Variants in PPM1F observed in about 807,000 individuals in gnomAD.
The protein encoded by PPM1F is protein phosphatase, Mg2+/Mn2+ dependent 1F.
A neutral mutation model predicts 35.5 loss-of-function variants in PPM1F; 17 were observed. The observed-to-expected ratio is 0.48, with a 90% CI of 0.33 to 0.72. The LOEUF is 0.72. Among genes scored for constraint, PPM1F ranks in the 30% least tolerant of loss-of-function variants. The probability of loss-of-function intolerance (pLI) is 0.02; values close to 1 mark genes in which losing one functional copy is unlikely to be tolerated. For synonymous variants in PPM1F, 241 were observed against 255.5 expected, an observed-to-expected ratio of 0.94 and a Z score of 0.54; for missense variants, 521 against 613.0, an observed-to-expected ratio of 0.85 and a Z score of 1.59.
chr22:21,952,629 T>C (rs1361447010), intron 1 of PPM1F, 163 bp downstream of exon 1: 1 of 150,314 alleles, frequency 6.7e-6, no homozygotes, highest in African/African-American at 2.5e-5. Context: ...ACCCTTTCGG[T>C]GCACCCATGT....
rs77566057 is a variant in PPM1F at position 21,938,204 on chromosome 22, C to T, written c.355+1328G>A. On this transcript the variant is annotated intron_variant, in intron 3 of 7. Coordinates refer to ENST00000263212, the MANE Select transcript of PPM1F (RefSeq NM_014634.4). Reference sequence around the variant, plus strand: ...CCGGCGCAGCAACGCTCCTTCTCACCGGCAGGTGGCGCTGTCTCCCGCGTG... The same window carrying T: ...CCGGCGCAGCAACGCTCCTTCTCACTGGCAGGTGGCGCTGTCTCCCGCGTG... 1.2e-3 allele frequency: 1,543 copies of T among 1,303,244 alleles called. 13 individuals carry two copies. The African/African-American group carries it at 0.022, about 18-fold the overall frequency. 80.7% of individuals were successfully genotyped at this position (1,303,244 alleles called of 1,614,324 possible). A position where few individuals can be genotyped will look rare whatever the true frequency, so the allele number is the denominator to read the frequency against.
intron 6 of PPM1F, among the ~76,000 whole-genome samples, chr22:21,928,176 C>T (rs1037682560): frequency 1.3e-5 from 2 of 152,102 alleles, no homozygotes; most frequent in African/African-American, 4.8e-5. Flanking sequence ...AAAGCTGGAG[C>T]CGGTGGCCTG....
intron 1 of PPM1F, chr22:21,948,301 A>ACCCCACCCCCC (rs2070797873): frequency 1.7e-5 from 1 of 58,150 alleles, no homozygotes. Context: ...TGAGATCGCC[A>ACCCCACCCCCC]CCCCCCCCCC....
At position 21,923,183 on chromosome 22, in the gene PPM1F, T is replaced by G. The variant is rs1339601174; in HGVS notation, c.1274A>C (p.Gln425Pro). The change falls in exon 8 of 8, where the codon CAG becomes CCG. Residue 425 changes from glutamine to proline, a missense_variant. By Grantham distance (76) the Gln-to-Pro change is moderately conservative (BLOSUM62 -1). Around this residue, in one of 3 missense-constraint regions of PPM1F, gnomAD observed 163 missense variants for 169.6 expected, o/e 0.96. Transcript: ENST00000263212. ...TTCTGCCTGGGGGTCCCCTTCTCCC[T>G]GGTTCCCGCCCTCCAGCAGCTCTTG... Reference protein sequence around the residue: ...DPQELLEGGNQGEGDPQAEGR... With the variant: ...DPQELLEGGNPGEGDPQAEGR... 6.2e-7 allele frequency: 1 copy of G among 1,613,632 alleles called. No individual in the cohort carries two copies. The highest frequency in any genetic ancestry group is 8.5e-7 in the Non-Finnish European group (1 of 1,179,934).
At chr22:21,932,414 T>G (rs1284350712) in intron 5 of PPM1F, among the ~76,000 whole-genome samples, 2 of 152,166 alleles carry the variant, frequency 1.3e-5, no homozygotes, top group African/African-American at 4.8e-5. Context: ...ATTGCATGGT[T>G]TTCTATTGAG....
At chr22:21,936,079 G>A (rs1052456899) in intron 3 of PPM1F, 1 of 152,180 alleles carries the variant, frequency 6.6e-6, no homozygotes, top group African/African-American at 2.4e-5. Context: ...TGGGGCAGGA[G>A]GATCCCTTGA....
intron 4 of PPM1F, 117 bp downstream of exon 4, chr22:21,933,907 T>A: frequency 2.0e-6 from 2 of 1,009,198 alleles, no homozygotes; most frequent in Non-Finnish European, 2.9e-6. Flanking sequence ...GTACAGGGGC[T>A]GACGGGTGTC....
At chr22:21,929,697 T>G (rs930351925) in intron 6 of PPM1F, among the ~76,000 whole-genome samples, 2 of 151,328 alleles carry the variant, frequency 1.3e-5, no homozygotes, top group Non-Finnish European at 2.9e-5. Context: ...GGCAGGGGAG[T>G]GGCAGAGACT....
rs112568181 is a variant in PPM1F, at chr22:21,951,250, G to A, written c.-61+1542C>T. ...GATGGCAGAGGGAAGAGTGACTGGC[G>A]GGTGGCATGGGCTGAGGAAGCTACA... On this transcript the variant is annotated intron_variant, in intron 1 of 7. Transcript: ENST00000263212. The A allele has an allele frequency of 9.8e-3, 1,495 of 152,236 alleles. 14 individuals are homozygous for A. Among genetic ancestry groups the A allele is most frequent in the African/African-American group, 0.034 (1,403 of 41,472 alleles). The allele number at this position is 152,236 out of a possible 1,614,324, so 9.4% of individuals were successfully genotyped here. A position where few individuals can be genotyped will look rare whatever the true frequency, so the allele number is the denominator to read the frequency against.
Position 21,945,856 on chromosome 22 carries a change from A to G in PPM1F, c.193T>C (p.Phe65Leu). 1 of 1,610,462 alleles carries G rather than the reference A, an allele frequency of 6.2e-7. No individual in the cohort carries two copies. The highest frequency in any genetic ancestry group is 2.2e-4 in the Middle Eastern group (1 of 4,648). ...EGELAELAMG[F>L]LGSRKAPPPL... ...GCACAGGCCTACCTGCTGCCCAGAA[A>G]GCCCATGGCCAGCTCAGCCAGCTCG... Residue 65 changes from phenylalanine to leucine, a missense_variant, in exon 2 of 8, where the codon TTT (phenylalanine) becomes CTT (leucine). Physicochemically the swap from Phe to Leu is conservative, Grantham distance 22. Around this residue, in one of 3 missense-constraint regions of PPM1F, gnomAD observed 311 missense variants for 351.5 expected, o/e 0.88. Coordinates refer to ENST00000263212, the MANE Select transcript of PPM1F (RefSeq NM_014634.4).
chr22:21,925,345 G>T (rs1160935460), intron 7 of PPM1F: 1 of 474,816 alleles, frequency 2.1e-6, no homozygotes, highest in East Asian at 3.2e-5. Context: ...GCTGTTTTAG[G>T]TGAGATAATA....
intron 5 of PPM1F, among the ~76,000 whole-genome samples, chr22:21,931,702 C>CG (rs1418105359): frequency 6.6e-6 from 1 of 151,642 alleles, no homozygotes; most frequent in Non-Finnish European, 1.5e-5. Context: ...TTAGTAGAGA[C>CG]GGGGTTTTGC....
At chr22:21,931,766 C>T (rs538523124) in intron 5 of PPM1F, among the ~76,000 whole-genome samples, 1 of 151,980 alleles carries the variant, frequency 6.6e-6, no homozygotes, top group Admixed American at 6.6e-5. Context: ...AATCTGCCTG[C>T]CTTGGCCTCC....
chr22:21,948,309 C>CT (rs1002267157), intron 1 of PPM1F: 3 of 122,044 alleles, frequency 2.5e-5, no homozygotes, highest in Non-Finnish European at 3.5e-5. Context: ...CCACCCCCCC[C>CT]CCACCCCCCA....
intron 3 of PPM1F, chr22:21,937,544 G>C (rs985828974): frequency 1.3e-5 from 2 of 152,824 alleles, no homozygotes; most frequent in Non-Finnish European, 2.9e-5. Flanking sequence ...AACCCCCCTC[G>C]TCCTGCCAGT....
Position 21,933,448 on chromosome 22 carries a change from G to A in PPM1F, c.690C>T (p.Ala230=). The A allele has an allele frequency of 1.9e-6, 3 of 1,613,278 alleles. No homozygotes were observed. Among genetic ancestry groups the A allele is most frequent in the African/African-American group, 1.3e-5 (1 of 75,066 alleles). ...QPELPTDPEG[A]LREAFRRTDQ... Reference sequence around the variant, plus strand: ...CGGTGCGCCGGAAGGCTTCTCTGAGGGCTCCCTCAGGGTCTGTGGGCAGCT... The same window carrying A: ...CGGTGCGCCGGAAGGCTTCTCTGAGAGCTCCCTCAGGGTCTGTGGGCAGCT... Residue 230 remains alanine, a synonymous_variant, in exon 5 of 8, where the codon GCC becomes GCT. Transcript: ENST00000263212.
intron 3 of PPM1F, chr22:21,938,495 G>A (rs1219514552): frequency 1.8e-6 from 2 of 1,098,712 alleles, no homozygotes; most frequent in South Asian, 2.0e-5. Flanking sequence ...TGGCGGCCTC[G>A]GGTATTCGCT....
At position 21,938,311 on chromosome 22, in the gene PPM1F, A is replaced by G; in HGVS notation, c.355+1221T>C. On this transcript the variant is annotated intron_variant, in intron 3 of 7. Transcript: ENST00000263212. ...TGGGGCCGCAGAGCGGAGGAGCAGC[A>G]GCTGCCACCGGCCGGAAGCCTGCTG... The G allele has an allele frequency of 3.3e-6, 4 of 1,224,808 alleles. No homozygotes were observed. In the South Asian group the frequency reaches 5.6e-5, roughly 17 times the overall value. 75.9% of individuals were successfully genotyped at this position (1,224,808 alleles called of 1,614,324 possible).
At position 21,939,601 on chromosome 22, in the gene PPM1F, T is replaced by G. The variant is rs1347666274; in HGVS notation, c.286A>C (p.Arg96=). 1 of 1,565,944 alleles carries G rather than the reference T, an allele frequency of 6.4e-7. No homozygotes were observed. Among genetic ancestry groups the G allele is most frequent in the South Asian group, 1.2e-5 (1 of 85,422 alleles). ...QLLQTDLSEF[R]KLPREEEEEE... is the part of the protein sequence containing the mutation. ...TCTTCTTCCTCCCTGGGCAACTTCC[T>G]GAATTCGGAAAGGTCTGTCTGTAGC... The change falls in exon 3 of 8, where the codon AGG becomes CGG. Residue 96 remains arginine (R), a synonymous_variant. Coordinates refer to ENST00000263212, the MANE Select transcript of PPM1F (RefSeq NM_014634.4). This position sits in a 1 kb window ranked among gnomAD's most constrained non-coding sequence, Gnocchi z 5.1.
Sources: allele counts gnomAD v4.1 joint callset (sites outside exome capture counted in the v4.1 genomes callset), GRCh38; gene constraint gnomAD v4.1.1; regional missense constraint gnomAD v4.1.1; non-coding constraint Gnocchi (gnomAD v3.1); transcripts MANE v1.5; gene names NCBI Gene and HGNC (gene_info 2026-07-23, HGNC 2026-07-21).